Variants in PCSK5 observed in about 807,000 individuals in gnomAD.
PCSK5 encodes the protein proprotein convertase subtilisin/kexin type 5, also known as prohormone convertase 5.
A neutral mutation model predicts 233.2 loss-of-function variants in PCSK5; 129 were observed. The ratio of observed to expected loss-of-function variants is 0.55; its 90% confidence interval spans 0.48 to 0.64. The LOEUF (loss-of-function observed/expected upper bound fraction) is 0.64. Ranked by LOEUF, PCSK5 falls within the 30% of genes least tolerant of loss-of-function variation. PCSK5 has a pLI of 0.00. For synonymous variants in PCSK5, 825 were observed against 879.2 expected (o/e 0.94, Z 1.09); for missense variants, 2,076 against 2,430.1 (o/e 0.85, Z 3.06).
chr9:76,181,229 T>C (rs906534783), intron 15 of PCSK5, among the ~76,000 whole-genome samples, 169 bp from the exon 16 acceptor site: 1 of 152,088 alleles, frequency 6.6e-6, no homozygotes, highest in African/African-American at 2.4e-5. Context: ...CAGCACACTG[T>C]GCAGGAGGAA....
chr9:76,214,723 T>C (rs1396363894), intron 20 of PCSK5, among the ~76,000 whole-genome samples: 1 of 152,222 alleles, frequency 6.6e-6, no homozygotes, highest in African/African-American at 2.4e-5. Flanking sequence ...AAGTGTTAGC[T>C]GTTCTTATTA....
intron 9 of PCSK5, among the ~76,000 whole-genome samples, chr9:76,133,486 A>G (rs1350404667): frequency 1.3e-5 from 2 of 152,064 alleles, no homozygotes; most frequent in African/African-American, 4.8e-5. Context: ...ACACACTATA[A>G]TAACTACCCA....
intron 9 of PCSK5, among the ~76,000 whole-genome samples, chr9:76,115,651 G>T (rs1173589041): frequency 6.6e-6 from 1 of 152,072 alleles, no homozygotes; most frequent in East Asian, 1.9e-4. Flanking sequence ...AAGAAAAAGA[G>T]AAGATGACTT....
chr9:76,285,122 A>G (rs1016563242), intron 24 of PCSK5, among the ~76,000 whole-genome samples: 2 of 152,158 alleles, frequency 1.3e-5, no homozygotes, highest in Non-Finnish European at 2.9e-5. Context: ...TGGAAGTTCT[A>G]TGAAGTATGG....
intron 6 of PCSK5, 112 bp downstream of exon 6, chr9:76,068,155 T>A: frequency 1.4e-6 from 1 of 699,714 alleles, no homozygotes; most frequent in East Asian, 2.7e-5. Flanking sequence ...TATCTCTACC[T>A]AATAGTGTTC....
chr9:76,099,018 G>A (rs772920966), intron 8 of PCSK5, among the ~76,000 whole-genome samples: 54 of 152,170 alleles, frequency 3.5e-4, no homozygotes, highest in South Asian at 2.1e-4. Context: ...ACCCTTTCGC[G>A]AGGTCATATA....
rs895170197 is a variant in PCSK5, at chr9:75,919,461, G to A, written c.193-12918G>A. Among the ~76,000 whole-genome samples the A allele has an allele frequency of 7.2e-5, 11 of 152,130 alleles. No individual in the cohort carries two copies. The East Asian group carries it at 9.7e-4, about 13-fold the overall frequency. On this transcript the variant is annotated intron_variant, in intron 1 of 37. Transcript: ENST00000674117. ...AACGTTAAGTTTTAATTTTTCTTGAGGAATATACTTAGGAGTAGGATTTCT... is the reference window on the plus strand; with the variant it reads ...AACGTTAAGTTTTAATTTTTCTTGAAGAATATACTTAGGAGTAGGATTTCT...
intron 9 of PCSK5, 95 bp downstream of exon 9, chr9:76,107,446 C>T: frequency 1.6e-6 from 1 of 632,156 alleles, no homozygotes; most frequent in Non-Finnish European, 2.6e-6. Flanking sequence ...AGCATGACAA[C>T]CTAGAATATA....
At chr9:76,264,326 T>C (rs1414038709) in intron 24 of PCSK5, among the ~76,000 whole-genome samples, 2 of 152,174 alleles carry the variant, frequency 1.3e-5, no homozygotes, top group African/African-American at 4.8e-5. Flanking sequence ...ATTAAAGATT[T>C]AAGTGTTAGA....
intron 1 of PCSK5, among the ~76,000 whole-genome samples, chr9:75,913,831 A>T (rs1464356965): frequency 2.0e-5 from 3 of 152,184 alleles, no homozygotes; most frequent in Admixed American, 2.0e-4. Context: ...AACCCAATGC[A>T]GTAATACAGT....
chr9:76,216,261 A>T (rs1825528305), intron 20 of PCSK5, among the ~76,000 whole-genome samples: 1 of 152,138 alleles, frequency 6.6e-6, no homozygotes, highest in Non-Finnish European at 1.5e-5. Flanking sequence ...GGGTAGAGAG[A>T]AGCATGTAGA....
intron 1 of PCSK5, among the ~76,000 whole-genome samples, chr9:75,891,695 G>A (rs1181468894): frequency 1.3e-5 from 2 of 152,062 alleles, no homozygotes; most frequent in Non-Finnish European, 2.9e-5. Context: ...GACCTGAAAA[G>A]TCGAGTAGCA....
intron 1 of PCSK5, among the ~76,000 whole-genome samples, chr9:75,908,827 T>C (rs1822528133): frequency 6.6e-6 from 1 of 152,108 alleles, no homozygotes; most frequent in African/African-American, 2.4e-5. Flanking sequence ...TCTATCTATC[T>C]ATCTATCTAT....
At chr9:75,892,040 G>A (rs1825632523) in intron 1 of PCSK5, among the ~76,000 whole-genome samples, 1 of 152,284 alleles carries the variant, frequency 6.6e-6, no homozygotes, top group East Asian at 1.9e-4. Context: ...GAAGGGAGTT[G>A]TAGTGGGGAG....
chr9:75,994,702 G>A (rs1423028780), intron 3 of PCSK5, among the ~76,000 whole-genome samples: 7 of 151,912 alleles, frequency 4.6e-5, no homozygotes, highest in Non-Finnish European at 1.0e-4. Context: ...GATTACAGGC[G>A]TGAGCCAGTG....
intron 24 of PCSK5, among the ~76,000 whole-genome samples, chr9:76,263,712 G>T (rs1366517763): frequency 1.3e-5 from 2 of 151,720 alleles, no homozygotes; most frequent in East Asian, 1.9e-4. Flanking sequence ...ACACCAGCAT[G>T]GCACATGTAT....
chr9:76,262,575 T>G (rs1017093255), intron 24 of PCSK5, among the ~76,000 whole-genome samples: 1 of 150,212 alleles, frequency 6.7e-6, no homozygotes, highest in African/African-American at 2.5e-5. Flanking sequence ...GCTAGCCATA[T>G]GTAGAAAGCT....
chr9:75,891,858 C>T (rs1178295558), intron 1 of PCSK5, among the ~76,000 whole-genome samples: 7 of 151,990 alleles, frequency 4.6e-5, no homozygotes, highest in African/African-American at 1.7e-4. Flanking sequence ...AAGAAGTTTC[C>T]TCTTGGGCGA....
chr9:76,176,021 C>CA (rs5898456), intron 14 of PCSK5, among the ~76,000 whole-genome samples: 16,330 of 147,564 alleles, frequency 0.11, 1,307 homozygotes, highest in East Asian at 0.34. Flanking sequence ...GTTGTTTTGA[C>CA]AAAAAAAAAA....
Sources: gnomAD v4.1 joint callset for allele counts (sites outside exome capture counted in the v4.1 genomes callset) on GRCh38, gnomAD v4.1.1 for gene constraint, MANE v1.5 for transcripts, NCBI Gene and HGNC (gene_info 2026-07-23, HGNC 2026-07-21) for gene names.